OTOGL: variants seen among roughly 807,000 people sequenced by gnomAD.
OTOGL encodes the protein otogelin like.
Under a neutral mutation model 318.5 loss-of-function variants are expected in OTOGL, and 285 were observed. That is an observed-to-expected ratio of 0.89 (90% CI 0.81 to 0.99). The LOEUF (loss-of-function observed/expected upper bound fraction) is 0.99. OTOGL is among the 50% of genes least tolerant of loss of function. The pLI is 0.00. For synonymous variants in OTOGL, 987 were observed against 936.5 expected (o/e 1.05, Z -0.99); for missense variants, 2,899 against 2,845.6 (o/e 1.02, Z -0.43).
chr12:80,260,802 C>T (rs1310503594), intron 18 of OTOGL, among the ~76,000 whole-genome samples: 1 of 152,028 alleles, frequency 6.6e-6, no homozygotes, highest in Admixed American at 6.6e-5. Flanking sequence ...TCAGTTCCAC[C>T]TGGAAACCTT....
chr12:80,254,987 C>G, intron 15 of OTOGL, 53 bp from the exon 16 acceptor site: 1 of 1,352,034 alleles, frequency 7.4e-7, no homozygotes, highest in Non-Finnish European at 9.6e-7. Flanking sequence ...TCTCTCTCCT[C>G]CTCTATCTCC....
intron 35 of OTOGL, among the ~76,000 whole-genome samples, chr12:80,325,720 G>T (rs1887637619): frequency 1.3e-5 from 2 of 152,204 alleles, no homozygotes; most frequent in South Asian, 4.1e-4. Context: ...TAGCCATCAG[G>T]ATGACAGCAT....
intron 52 of OTOGL, among the ~76,000 whole-genome samples, chr12:80,365,043 C>T (rs557716941): frequency 6.6e-6 from 1 of 152,170 alleles, no homozygotes; most frequent in African/African-American, 2.4e-5. Flanking sequence ...AACCCTTATA[C>T]ACTACTGGTG....
At chr12:80,183,859 G>A (rs1316530699) in intron 1 of OTOGL, among the ~76,000 whole-genome samples, 1 of 152,162 alleles carries the variant, frequency 6.6e-6, no homozygotes, top group African/African-American at 2.4e-5. Flanking sequence ...TCAAATTGTA[G>A]TCATTGGACA....
At chr12:80,102,432 A>G (rs1050235421) in intron 1 of OTOGL, among the ~76,000 whole-genome samples, 2 of 152,186 alleles carry the variant, frequency 1.3e-5, no homozygotes, top group Non-Finnish European at 2.9e-5. Context: ...AGTCCAAGCC[A>G]GGGGACTGGG....
intron 10 of OTOGL, 111 bp from the exon 11 acceptor site, chr12:80,239,222 T>C (rs1880145631): frequency 1.0e-6 from 1 of 988,558 alleles, no homozygotes; most frequent in South Asian, 2.0e-5. Context: ...TAAGTTACCA[T>C]CTTTTTCCTT....
At chr12:80,341,484 A>G (rs528305320) in intron 43 of OTOGL, among the ~76,000 whole-genome samples, 2 of 152,286 alleles carry the variant, frequency 1.3e-5, no homozygotes, top group Admixed American at 1.3e-4. Flanking sequence ...GCACTAGGTG[A>G]TGGAGTAGTG....
chr12:80,220,886 G>T (rs950447098), intron 6 of OTOGL, among the ~76,000 whole-genome samples: 6 of 152,106 alleles, frequency 3.9e-5, no homozygotes, highest in Non-Finnish European at 8.8e-5. Context: ...ATGAAGCAGA[G>T]GTGGGGCATA....
chr12:80,307,431 G>A (rs865954540), intron 29 of OTOGL, among the ~76,000 whole-genome samples: 6 of 149,538 alleles, frequency 4.0e-5, no homozygotes, highest in East Asian at 2.0e-4. Flanking sequence ...CTGGCCAGAC[G>A]GGGGGCTGAC....
Position 80,310,710 on chromosome 12 carries a change from G to A in OTOGL, c.3433G>A (p.Ala1145Thr). The A allele has an allele frequency of 6.4e-7, 1 of 1,574,580 alleles. No homozygotes were observed. Among genetic ancestry groups the A allele is most frequent in the Non-Finnish European group, 8.6e-7 (1 of 1,157,410 alleles). ...CTCCATTTTGTACAGTGATATTTTT[G>A]CTTCTTGTCGCAATGTGGTAAATGA... is the stretch of plus-strand genomic sequence containing the variant. The part of the protein sequence containing the change: ...ECSILYSDIF[A>T]SCRNVIDVTS... The change falls in exon 30 of 59, where the codon GCT becomes ACT. Residue 1145 changes from alanine (A) to threonine (T), a missense_variant. Ala to Thr is a moderately conservative substitution (Grantham distance 58, BLOSUM62 0). This residue lies in a region of OTOGL where 2,607 missense variants were observed against 2,524.9 expected (regional missense o/e 1.03). Coordinates refer to ENST00000547103, the MANE Select transcript of OTOGL (RefSeq NM_001378609.3).
chr12:80,199,683 C>T (rs1876326270), intron 1 of OTOGL, among the ~76,000 whole-genome samples: 1 of 152,084 alleles, frequency 6.6e-6, no homozygotes, highest in African/African-American at 2.4e-5. Context: ...GATCACTTGT[C>T]TTTTTCTCTC....
chr12:80,184,147 A>G (rs1021263117), intron 1 of OTOGL, among the ~76,000 whole-genome samples: 5 of 152,194 alleles, frequency 3.3e-5, no homozygotes, highest in African/African-American at 1.2e-4. Flanking sequence ...TCCGTTTCCT[A>G]TACTAACGGC....
intron 26 of OTOGL, among the ~76,000 whole-genome samples, chr12:80,285,262 G>A (rs1884527863): frequency 6.6e-6 from 1 of 152,072 alleles, no homozygotes; most frequent in Admixed American, 6.6e-5. Flanking sequence ...CCAGTAGCTT[G>A]CTGTTTTGGT....
intron 35 of OTOGL, among the ~76,000 whole-genome samples, chr12:80,326,113 A>G (rs1035199835): frequency 1.3e-5 from 2 of 152,148 alleles, no homozygotes; most frequent in African/African-American, 4.8e-5. Context: ...TACCTGCAGT[A>G]CTTGAGGAAG....
At chr12:80,375,682 G>A (rs948522238) in intron 57 of OTOGL, among the ~76,000 whole-genome samples, 1 of 152,122 alleles carries the variant, frequency 6.6e-6, no homozygotes, top group Non-Finnish European at 1.5e-5. Flanking sequence ...TGTGGCTATT[G>A]CACGGAAAGT....
At chr12:80,308,167 G>A (rs1475472222) in intron 29 of OTOGL, among the ~76,000 whole-genome samples, 1 of 150,492 alleles carries the variant, frequency 6.6e-6, no homozygotes, top group Non-Finnish European at 1.5e-5. Flanking sequence ...CCTCCCTCCC[G>A]GACGAGGTGG....
chr12:80,356,579 T>A (rs1342935727), intron 48 of OTOGL, 59 bp downstream of exon 48: 4 of 1,289,992 alleles, frequency 3.1e-6, no homozygotes, highest in Non-Finnish European at 1.1e-6. Flanking sequence ...GAACAGTGAA[T>A]TAGATTCTCA....
intron 38 of OTOGL, among the ~76,000 whole-genome samples, chr12:80,334,774 G>T (rs1452256969): frequency 6.6e-6 from 1 of 152,134 alleles, no homozygotes; most frequent in East Asian, 1.9e-4. Flanking sequence ...AGTTGCTGGT[G>T]ACCTTGTTAA....
intron 11 of OTOGL, among the ~76,000 whole-genome samples, chr12:80,243,326 A>G (rs11114365): frequency 0.33 from 50,768 of 151,860 alleles, 10,060 homozygotes; most frequent in South Asian, 0.47. Context: ...TCAGTATCCA[A>G]TGAAAATATT....
Sources: allele counts gnomAD v4.1 joint callset (sites outside exome capture counted in the v4.1 genomes callset), GRCh38; gene constraint gnomAD v4.1.1; regional missense constraint gnomAD v4.1.1; transcripts MANE v1.5; gene names NCBI Gene and HGNC (gene_info 2026-07-23, HGNC 2026-07-21).